TOMM7: variants seen among roughly 807,000 people sequenced by gnomAD.
TOMM7 encodes translocase of outer mitochondrial membrane 7, also known as mitochondrial import receptor subunit TOM7 homolog.
Under a neutral mutation model 9.5 loss-of-function variants are expected in TOMM7, and 8 were observed. That is an observed-to-expected ratio of 0.84 (90% CI 0.49 to 1.51). The LOEUF is 1.51. Ranked by LOEUF, TOMM7 falls within the 40% of genes most tolerant of loss-of-function variation. The pLI is 0.00. For synonymous variants in TOMM7, 27 were observed against 21.4 expected, an observed-to-expected ratio of 1.26 and a Z score of -0.72; for missense variants, 74 against 63.7, an observed-to-expected ratio of 1.16 and a Z score of -0.55.
Position 22,818,010 on chromosome 7 carries a change from T to G in TOMM7, c.142A>C (p.Thr48Pro), listed in dbSNP as rs775237725. ...RGADPGMPEPTVLSLLWG is the reference protein window; with the variant it reads ...RGADPGMPEPPVLSLLWG ...TTTTAAGAGCAGTACCTCAAAACAGTTGGTTCAGGCATTCCGGGATCTGCA... is the reference window on the plus strand; with the variant it reads ...TTTTAAGAGCAGTACCTCAAAACAGGTGGTTCAGGCATTCCGGGATCTGCA... Residue 48 changes from threonine (T) to proline (P), a missense_variant, in exon 2 of 3, where the codon ACT becomes CCT. Transcript: ENST00000358435. 1.4e-5 allele frequency: 22 copies of G among 1,613,960 alleles called. 1 individual carries two copies. Among genetic ancestry groups the G allele is most frequent in the Non-Finnish European group, 1.8e-5 (21 of 1,179,962 alleles).
rs1465780079 is a variant in TOMM7 at position 22,822,793 on chromosome 7, T to C, written c.-14A>G. The C allele has an allele frequency of 6.2e-7, 1 of 1,611,128 alleles. No individual in the cohort carries two copies. The highest frequency in any genetic ancestry group is 2.2e-5 in the East Asian group (1 of 44,882). ...CAGCTTCACCATGGCGACGGCCGTG[T>C]GGCGCAGGGAGGACCCCTTACAGCA... On this transcript the variant is annotated 5_prime_UTR_variant, in exon 1 of 3. Coordinates refer to ENST00000358435, the MANE Select transcript of TOMM7 (RefSeq NM_019059.5).
chr7:22,820,946 T>TGCAC (rs933007377), intron 1 of TOMM7, among the ~76,000 whole-genome samples: 13 of 152,140 alleles, frequency 8.5e-5, no homozygotes, highest in African/African-American at 3.1e-4. Context: ...TCTTATACAA[T>TGCAC]GCATGACACC....
chr7:22,820,306 T>A (rs1782369565), intron 1 of TOMM7, among the ~76,000 whole-genome samples: 4 of 152,150 alleles, frequency 2.6e-5, no homozygotes, highest in Admixed American at 2.6e-4. Context: ...GGGGTGAAAA[T>A]CACCGTAACG....
At chr7:22,821,609 A>C (rs1782392675) in intron 1 of TOMM7, among the ~76,000 whole-genome samples, 1 of 151,250 alleles carries the variant, frequency 6.6e-6, no homozygotes, top group African/African-American at 2.4e-5. Flanking sequence ...ATTAGCCGCG[A>C]GCGGTGGCTG....
At chr7:22,820,449 A>G (rs1441311520) in intron 1 of TOMM7, among the ~76,000 whole-genome samples, 1 of 152,248 alleles carries the variant, frequency 6.6e-6, no homozygotes, top group Non-Finnish European at 1.5e-5. Flanking sequence ...ACAGCTTTCT[A>G]GCAATAGAAA....
At position 22,822,707 on chromosome 7, in the gene TOMM7, A is replaced by T. The variant is rs1782411099; in HGVS notation, c.73T>A (p.Trp25Arg). ...LFKGSQFAIR[W>R]GFIPLVIYLG... ...TAAATCACAAGAGGGATAAAGCCCCAGCGAATGGCAAACTGGCTCCCCTTG... is the reference window on the plus strand; with the variant it reads ...TAAATCACAAGAGGGATAAAGCCCCTGCGAATGGCAAACTGGCTCCCCTTG... The change falls in exon 1 of 3, where the codon TGG becomes AGG. Residue 25 changes from tryptophan to arginine, a missense_variant. Transcript: ENST00000358435. The T allele has an allele frequency of 1.9e-6, 3 of 1,614,182 alleles. No individual in the cohort carries two copies. The highest frequency in any genetic ancestry group is 2.5e-6 in the Non-Finnish European group (3 of 1,180,000).
At chr7:22,817,898 A>T in intron 2 of TOMM7, 102 bp downstream of exon 2, 2 of 1,117,830 alleles carry the variant, frequency 1.8e-6, no homozygotes, top group Non-Finnish European at 2.7e-6. Flanking sequence ...TGACTGATAA[A>T]GCTCCATTTC....
At chr7:22,818,708 C>A (rs1348944675) in intron 1 of TOMM7, among the ~76,000 whole-genome samples, 1 of 152,050 alleles carries the variant, frequency 6.6e-6, no homozygotes, top group Non-Finnish European at 1.5e-5. Context: ...AATAAGATAC[C>A]ACAACTCCCA....
rs4354222 is a variant in TOMM7, at chr7:22,822,359, G to C, written c.103+318C>G. On this transcript the variant is annotated intron_variant, in intron 1 of 2. Transcript: ENST00000358435. ...ACACCCCGAGAACCACCTAGTGCTA[G>C]AGAGTGAATTAGTGACTTTCACATC... 4 of 1,373,882 alleles carry C rather than the reference G, an allele frequency of 2.9e-6. 1 individual carries two copies. The South Asian group carries it at 5.8e-5, about 20-fold the overall frequency. The allele number at this position is 1,373,882 out of a possible 1,614,324, so 85.1% of individuals were successfully genotyped here. A position where few individuals can be genotyped will look rare whatever the true frequency, so the allele number is the denominator to read the frequency against.
intron 1 of TOMM7, chr7:22,822,153 C>G: frequency 3.9e-6 from 6 of 1,550,442 alleles, no homozygotes; most frequent in Non-Finnish European, 5.2e-6. Context: ...TGTTTCCTCA[C>G]CTGTAAAATG....
rs143010283 is a variant in TOMM7, at chr7:22,819,885, A to C, written c.104-1837T>G. Among the ~76,000 whole-genome samples the C allele has an allele frequency of 4.9e-4, 74 of 152,302 alleles. No homozygotes were observed. The East Asian group carries it at 0.011, about 22-fold the overall frequency. ...GCTCATTAAAACCTTTTTGTTAGTA[A>C]ATGTCCAGACAGATTCTCTATTATC... is the stretch of plus-strand genomic sequence containing the variant. On this transcript the variant is annotated intron_variant, in intron 1 of 2. Coordinates refer to ENST00000358435, the MANE Select transcript of TOMM7 (RefSeq NM_019059.5).
intron 2 of TOMM7, among the ~76,000 whole-genome samples, chr7:22,814,733 T>C (rs1473033103): frequency 6.6e-6 from 1 of 152,166 alleles, no homozygotes; most frequent in Non-Finnish European, 1.5e-5. Flanking sequence ...CCACATACAA[T>C]GAGTCATCCT....
chr7:22,816,183 A>G (rs1029840680), intron 2 of TOMM7, among the ~76,000 whole-genome samples: 1 of 152,226 alleles, frequency 6.6e-6, no homozygotes, highest in Non-Finnish European at 1.5e-5. Context: ...CTTTATATAT[A>G]ATATTCAATG....
chr7:22,813,918 G>A (rs1449135423), intron 2 of TOMM7, among the ~76,000 whole-genome samples: 2 of 147,870 alleles, frequency 1.4e-5, no homozygotes, highest in African/African-American at 5.1e-5. Flanking sequence ...GTTTTGTAAA[G>A]TTTATTTTTA....
chr7:22,821,408 AAAAAAAAAAAAAAAAG>A (rs910194546), intron 1 of TOMM7, among the ~76,000 whole-genome samples: 1 of 19,094 alleles, frequency 5.2e-5, no homozygotes, highest in Non-Finnish European at 9.7e-5. Flanking sequence ...CCCGTCTCAA[AAAAAAAAAAAAAAAAG>A]AAAAAGAAAA....
chr7:22,822,803 A>G lies in TOMM7; in HGVS notation c.-24T>C. The G allele has an allele frequency of 6.3e-7, 1 of 1,594,328 alleles. No individual in the cohort carries two copies. The highest frequency in any genetic ancestry group is 8.6e-7 in the Non-Finnish European group (1 of 1,162,010). ...ATGGCGACGGCCGTGTGGCGCAGGG[A>G]GGACCCCTTACAGCAACCACAGCGT... On this transcript the variant is annotated 5_prime_UTR_variant, in exon 1 of 3. Transcript: ENST00000358435.
chr7:22,815,035 T>C (rs1172700689), intron 2 of TOMM7, among the ~76,000 whole-genome samples: 1 of 152,132 alleles, frequency 6.6e-6, no homozygotes, highest in Non-Finnish European at 1.5e-5. Context: ...CGTAACTGAG[T>C]AACCCTTTGC....
At chr7:22,821,038 T>A (rs1782381198) in intron 1 of TOMM7, among the ~76,000 whole-genome samples, 1 of 152,136 alleles carries the variant, frequency 6.6e-6, no homozygotes, top group East Asian at 1.9e-4. Context: ...TCAAACTATA[T>A]GCTCAAACTG....
At chr7:22,818,658 T>G (rs1245802641) in intron 1 of TOMM7, among the ~76,000 whole-genome samples, 1 of 152,204 alleles carries the variant, frequency 6.6e-6, no homozygotes, top group Non-Finnish European at 1.5e-5. Context: ...ACAGTTGCCC[T>G]TAGCATGTTC....
Sources: gnomAD v4.1 joint callset for allele counts (sites outside exome capture counted in the v4.1 genomes callset) on GRCh38, gnomAD v4.1.1 for gene constraint, MANE v1.5 for transcripts, NCBI Gene and HGNC (gene_info 2026-07-23, HGNC 2026-07-21) for gene names.